BICRAL: variants seen among roughly 807,000 people sequenced by gnomAD.
BICRAL encodes BRD4-interacting chromatin-remodeling complex-associated protein-like.
BICRAL carries 8 observed loss-of-function variants against 91.8 expected under a neutral mutation model. The ratio of observed to expected loss-of-function variants is 0.09; its 90% CI spans 0.05 to 0.16. The LOEUF is 0.16. Among genes scored for constraint, BICRAL ranks in the 10% least tolerant of loss-of-function variants. The pLI is 1.00. For synonymous variants in BICRAL, 445 were observed against 491.1 expected (o/e 0.91, Z 1.24); for missense variants, 1,038 against 1,310.9 (o/e 0.79, Z 3.21).
chr6:42,782,693 G>A (rs1762953921), intron 1 of BICRAL, among the ~76,000 whole-genome samples: 1 of 151,718 alleles, frequency 6.6e-6, no homozygotes, highest in East Asian at 1.9e-4. Context: ...GATTGAGCCG[G>A]TTTAAAATTA....
intron 6 of BICRAL, among the ~76,000 whole-genome samples, chr6:42,847,987 G>A (rs530180256): frequency 2.0e-5 from 3 of 152,168 alleles, no homozygotes; most frequent in East Asian, 3.9e-4. Context: ...AAATTAGCCC[G>A]GTATGGTGGC....
intron 5 of BICRAL, among the ~76,000 whole-genome samples, chr6:42,824,981 C>T (rs1054541739): frequency 6.6e-6 from 1 of 152,218 alleles, no homozygotes; most frequent in Non-Finnish European, 1.5e-5. Flanking sequence ...AGACCAGCAG[C>T]TGGGCGCAGT....
At chr6:42,830,305 C>A in intron 6 of BICRAL, 133 bp downstream of exon 6, 1 of 877,476 alleles carries the variant, frequency 1.1e-6, no homozygotes, top group Non-Finnish European at 1.7e-6. Flanking sequence ...GTGGCTCATG[C>A]CTGTAATCCC....
Position 42,831,618 on chromosome 6 carries a change from A to G in BICRAL, c.1839+1446A>G, listed in dbSNP as rs368712619. Among the ~76,000 whole-genome samples, 309 of 152,116 alleles carry G rather than the reference A, an allele frequency of 2.0e-3. 3 individuals carry two copies. The highest frequency in any genetic ancestry group is 7.2e-3 in the African/African-American group (300 of 41,510). On this transcript the variant is annotated intron_variant, in intron 6 of 12. Coordinates refer to ENST00000314073, the MANE Select transcript of BICRAL (RefSeq NM_001393499.1). ...CATAGTTCCAGCTCCTCCTCTTCTC[A>G]TCTGGGAGGACCCATGCCATACCCT...
intron 6 of BICRAL, among the ~76,000 whole-genome samples, chr6:42,845,147 A>C (rs375591129): frequency 1.7e-5 from 2 of 115,454 alleles, no homozygotes; most frequent in African/African-American, 6.6e-5. Context: ...TGAGATAAAG[A>C]CTGTTTGGTA....
intron 11 of BICRAL, among the ~76,000 whole-genome samples, chr6:42,860,895 G>A (rs1765535162): frequency 6.6e-6 from 1 of 152,254 alleles, no homozygotes; most frequent in Non-Finnish European, 1.5e-5. Flanking sequence ...GGGAGGCCAA[G>A]GCGGGTGGAT....
intron 11 of BICRAL, 65 bp downstream of exon 11, chr6:42,860,421 A>G: frequency 1.1e-6 from 1 of 887,990 alleles, no homozygotes; most frequent in Non-Finnish European, 1.9e-6. Context: ...TAAATCAGAG[A>G]CAGAAAGGTC....
chr6:42,802,308 A>G (rs756970052), intron 1 of BICRAL, among the ~76,000 whole-genome samples: 2 of 152,250 alleles, frequency 1.3e-5, no homozygotes, highest in Non-Finnish European at 2.9e-5. Flanking sequence ...ATTTTCCTGA[A>G]TAAAACTAGA....
intron 1 of BICRAL, among the ~76,000 whole-genome samples, chr6:42,771,470 A>G (rs1455491970): frequency 8.6e-6 from 1 of 116,478 alleles, no homozygotes; most frequent in African/African-American, 3.3e-5. Flanking sequence ...CTATATCTGC[A>G]TCCCCACCCC....
chr6:42,840,448 A>C (rs1394656047), intron 6 of BICRAL, among the ~76,000 whole-genome samples: 1 of 151,788 alleles, frequency 6.6e-6, no homozygotes, highest in East Asian at 2.0e-4. Context: ...TCACCGTGTT[A>C]GCCAGGATGG....
At chr6:42,791,718 C>T (rs553247835) in intron 1 of BICRAL, among the ~76,000 whole-genome samples, 1 of 152,300 alleles carries the variant, frequency 6.6e-6, no homozygotes, top group African/African-American at 2.4e-5. Flanking sequence ...CTCACCTCGG[C>T]CTCCCAAAGT....
chr6:42,857,614 A>AAAAAAAAAATATATATATATAT, intron 10 of BICRAL, among the ~76,000 whole-genome samples: 3 of 96,236 alleles, frequency 3.1e-5, no homozygotes, highest in African/African-American at 2.0e-4. Context: ...AAAAAAAAAA[A>AAAAAAAAAATATATATATATAT]ATATATATAT....
chr6:42,774,348 T>TA (rs1317264668), intron 1 of BICRAL, among the ~76,000 whole-genome samples: 2 of 152,140 alleles, frequency 1.3e-5, no homozygotes, highest in Admixed American at 1.3e-4. Context: ...AGGTGGGTGT[T>TA]ACAAACATGC....
In BICRAL at chr6:42,829,950, G is replaced by A. The variant is rs199630219; in HGVS notation, c.1617G>A (p.Arg539=). The change falls in exon 6 of 13, where the codon CGG becomes CGA. Residue 539 remains arginine, a synonymous_variant. Coordinates refer to ENST00000314073, the MANE Select transcript of BICRAL (RefSeq NM_001393499.1). ...TGACAAGCATGTCAGGACCTAGTCG[G>A]TTCCCTGCTGTCAGCTCAGCCAGCA... ...PSVTSMSGPS[R]FPAVSSASTA... 1 of 1,614,246 alleles carries A rather than the reference G, an allele frequency of 6.2e-7. No individual in the cohort carries two copies. Among genetic ancestry groups the A allele is most frequent in the East Asian group, 2.2e-5 (1 of 44,886 alleles).
chr6:42,841,862 A>G (rs1309701011), intron 6 of BICRAL, among the ~76,000 whole-genome samples: 2 of 152,170 alleles, frequency 1.3e-5, no homozygotes, highest in African/African-American at 4.8e-5. Flanking sequence ...ATTACTCATA[A>G]AGGCTAACTT....
chr6:42,849,846 G>T (rs1188355468), intron 6 of BICRAL, among the ~76,000 whole-genome samples: 3 of 152,028 alleles, frequency 2.0e-5, no homozygotes, highest in Non-Finnish European at 2.9e-5. Flanking sequence ...GAGGTCAGGA[G>T]TTCAAGACCA....
At chr6:42,803,694 G>T (rs534499771) in intron 1 of BICRAL, among the ~76,000 whole-genome samples, 73 of 152,342 alleles carry the variant, frequency 4.8e-4, no homozygotes, top group Non-Finnish European at 8.7e-4. Flanking sequence ...CATGGAACTT[G>T]TAAGCCAGTG....
chr6:42,821,631 CTA>C (rs1764139129), intron 2 of BICRAL, among the ~76,000 whole-genome samples: 1 of 152,186 alleles, frequency 6.6e-6, no homozygotes, highest in Admixed American at 6.5e-5. Context: ...TAAAAGACCT[CTA>C]TGTCTATGAG....
chr6:42,778,069 G>C (rs1762828862), upstream of BICRAL, among the ~76,000 whole-genome samples: 1 of 151,938 alleles, frequency 6.6e-6, no homozygotes, highest in Admixed American at 6.6e-5. Flanking sequence ...TTTTTGTTTT[G>C]CCATATTATT....
Sources: gnomAD v4.1 joint callset for allele counts (sites outside exome capture counted in the v4.1 genomes callset) on GRCh38, gnomAD v4.1.1 for gene constraint, MANE v1.5 for transcripts, NCBI Gene and HGNC (gene_info 2026-07-23, HGNC 2026-07-21) for gene names.